Variants in ANAPC1 observed in about 807,000 individuals in gnomAD.
The protein encoded by ANAPC1 is anaphase promoting complex subunit 1.
ANAPC1 carries 36 observed loss-of-function variants against 208.0 expected under a neutral mutation model. That is an observed-to-expected ratio of 0.17 (90% confidence interval 0.13 to 0.23). The LOEUF (loss-of-function observed/expected upper bound fraction) is 0.23, where lower values mean the gene tolerates loss of function less well. Among genes scored for constraint, ANAPC1 ranks in the 10% least tolerant of loss-of-function variants. The pLI is 1.00. For synonymous variants in ANAPC1, 378 were observed against 695.2 expected, an observed-to-expected ratio of 0.54 and a Z score of 7.18; for missense variants, 942 against 2,011.6, an observed-to-expected ratio of 0.47 and a Z score of 10.17.
At chr2:111,867,560 C>T (rs375145442) in intron 7 of ANAPC1, among the ~76,000 whole-genome samples, 2 of 151,632 alleles carry the variant, frequency 1.3e-5, no homozygotes, top group African/African-American at 4.8e-5. Context: ...GGCATGGTGG[C>T]GTGTGCCTGT....
chr2:111,775,876 T>C (rs1235716243), intron 46 of ANAPC1, among the ~76,000 whole-genome samples: 1 of 152,288 alleles, frequency 6.6e-6, no homozygotes, highest in Non-Finnish European at 1.5e-5. Context: ...TCCAAAAAAT[T>C]ATGAAGCTAT....
At chr2:111,819,349 C>A in intron 26 of ANAPC1, 1 of 703,124 alleles carries the variant, frequency 1.4e-6, no homozygotes, top group African/African-American at 2.2e-5. Context: ...TTCAGTCTAG[C>A]TGTCCTCAGT....
At chr2:111,853,149 C>CT (rs1558722629) in intron 13 of ANAPC1, among the ~76,000 whole-genome samples, 1 of 152,038 alleles carries the variant, frequency 6.6e-6, no homozygotes, top group Non-Finnish European at 1.5e-5. Context: ...TTTTTTCCCA[C>CT]TTTATAGAGA....
intron 34 of ANAPC1, among the ~76,000 whole-genome samples, chr2:111,798,861 C>T (rs536917819): frequency 5.8e-3 from 881 of 152,214 alleles, no homozygotes; most frequent in African/African-American, 0.02. Flanking sequence ...AGTGAAACCC[C>T]GTCTCTACTA....
intron 28 of ANAPC1, among the ~76,000 whole-genome samples, chr2:111,815,015 T>C (rs1363694058): frequency 6.7e-6 from 1 of 148,734 alleles, no homozygotes; most frequent in African/African-American, 2.5e-5. Flanking sequence ...CCAATCAGCA[T>C]GTACCTCCCC....
At chr2:111,808,296 C>T (rs556895463) in intron 29 of ANAPC1, among the ~76,000 whole-genome samples, 2 of 152,150 alleles carry the variant, frequency 1.3e-5, no homozygotes, top group Admixed American at 6.5e-5. Flanking sequence ...TTGAATAGGA[C>T]ATATAAGTAT....
chr2:111,815,146 G>GAAAA (rs1223576868), intron 28 of ANAPC1, among the ~76,000 whole-genome samples: 3 of 68,542 alleles, frequency 4.4e-5, no homozygotes, highest in Admixed American at 1.7e-4. Context: ...CTTACTCAAG[G>GAAAA]AAAAAAAAAA....
Position 111,868,132 on chromosome 2 carries a change from C to G in ANAPC1, c.612-36G>C, listed in dbSNP as rs756746232. On this transcript the variant is annotated intron_variant, in intron 6 of 47. Coordinates refer to ENST00000341068, the MANE Select transcript of ANAPC1 (RefSeq NM_022662.4). ...ACAAATAATCAATTAATTACCAATACGAGTATGTCTGTGCACAAATTTTGC... is the reference window on the plus strand; with the variant it reads ...ACAAATAATCAATTAATTACCAATAGGAGTATGTCTGTGCACAAATTTTGC... 5.4e-6 allele frequency: 8 copies of G among 1,470,652 alleles called. No individual in the cohort carries two copies. In the African/African-American group the frequency reaches 1.1e-4, roughly 21 times the overall value. The allele number at this position is 1,470,652 out of a possible 1,614,324, so 91.1% of individuals were successfully genotyped here.
downstream of ANAPC1, chr2:111,767,579 C>G (rs1328623317): frequency 1.3e-5 from 2 of 152,708 alleles, no homozygotes; most frequent in Admixed American, 6.5e-5. Context: ...TTGCTTTCAT[C>G]GACAATGTTC....
intron 1 of ANAPC1, among the ~76,000 whole-genome samples, chr2:111,882,474 A>G (rs534006332): frequency 6.6e-6 from 1 of 152,270 alleles, no homozygotes; most frequent in East Asian, 1.9e-4. Context: ...TCACGCCTGC[A>G]ATCCCAGCAC....
At chr2:111,857,232 G>A (rs1230764089) in intron 11 of ANAPC1, among the ~76,000 whole-genome samples, 3 of 152,282 alleles carry the variant, frequency 2.0e-5, no homozygotes, top group African/African-American at 7.2e-5. Context: ...GAAATAAAGT[G>A]TGTACATCAT....
chr2:111,767,320 T>C (rs1378638051), downstream of ANAPC1, among the ~76,000 whole-genome samples: 1 of 151,474 alleles, frequency 6.6e-6, no homozygotes, highest in African/African-American at 2.4e-5. Context: ...CAAATGTTTT[T>C]CTGCAGCACT....
intron 29 of ANAPC1, among the ~76,000 whole-genome samples, chr2:111,807,579 C>A (rs1678747379): frequency 6.6e-6 from 1 of 151,312 alleles, no homozygotes; most frequent in Non-Finnish European, 1.5e-5. Flanking sequence ...GTAGTCCCAG[C>A]TACTCGGGAG....
intron 42 of ANAPC1, among the ~76,000 whole-genome samples, chr2:111,783,606 CT>C (rs1350099783): frequency 1.3e-5 from 2 of 152,106 alleles, no homozygotes; most frequent in Non-Finnish European, 2.9e-5. Context: ...TAAACTAAAT[CT>C]TATGTTAATA....
intron 43 of ANAPC1, among the ~76,000 whole-genome samples, chr2:111,781,578 G>A (rs1250202545): frequency 3.9e-5 from 6 of 152,280 alleles, no homozygotes; most frequent in Admixed American, 3.9e-4. Context: ...TCCTCTGGCT[G>A]CCACTCATCC....
At chr2:111,806,779 C>T (rs1678698630) in intron 29 of ANAPC1, among the ~76,000 whole-genome samples, 1 of 152,134 alleles carries the variant, frequency 6.6e-6, no homozygotes, top group African/African-American at 2.4e-5. Context: ...AAAAGGCACC[C>T]TATAACTCTA....
intron 19 of ANAPC1, 118 bp downstream of exon 19, chr2:111,834,486 T>C (rs1680352414): frequency 8.1e-7 from 1 of 1,231,246 alleles, no homozygotes; most frequent in Non-Finnish European, 1.1e-6. Flanking sequence ...CCTAGTTTTC[T>C]GAGAAGGTAG....
Position 111,856,703 on chromosome 2 carries a change from A to C in ANAPC1, c.1450-24T>G, listed in dbSNP as rs752706888. ...TTCTAAAAAAACAAAAAAGACAAAA[A>C]ATTTATTTCCCAATCTGAGCAAATT... On this transcript the variant is annotated intron_variant, in intron 12 of 47. Coordinates refer to ENST00000341068, the MANE Select transcript of ANAPC1 (RefSeq NM_022662.4). The C allele has an allele frequency of 1.9e-6, 3 of 1,613,744 alleles. No homozygotes were observed. In the South Asian group the frequency reaches 3.3e-5, roughly 18 times the overall value.
intron 10 of ANAPC1, among the ~76,000 whole-genome samples, chr2:111,860,887 CA>C (rs1404998187): frequency 6.5e-4 from 98 of 151,836 alleles, no homozygotes; most frequent in Non-Finnish European, 1.8e-4. Context: ...ACTACATGTA[CA>C]CACAATTATT....
Sources: allele counts gnomAD v4.1 joint callset (sites outside exome capture counted in the v4.1 genomes callset), GRCh38; gene constraint gnomAD v4.1.1; transcripts MANE v1.5; gene names NCBI Gene and HGNC (gene_info 2026-07-23, HGNC 2026-07-21).